LRIG3: variants seen among roughly 807,000 people sequenced by gnomAD.
LRIG3 encodes the protein leucine rich repeats and immunoglobulin like domains 3.
Under a neutral mutation model 114.5 loss-of-function variants are expected in LRIG3, and 76 were observed. The observed-to-expected ratio is 0.66, with a 90% CI of 0.55 to 0.80. LRIG3 has a LOEUF of 0.80. LRIG3 is among the 30% of genes least tolerant of loss of function. The pLI is 0.00. For synonymous variants in LRIG3, 512 were observed against 519.8 expected (o/e 0.98, Z 0.20); for missense variants, 1,239 against 1,382.8 (o/e 0.90, Z 1.65).
chr12:58,880,840 G>A lies in LRIG3; in HGVS notation c.1542C>T (p.Ser514=). Residue 514 remains serine, a synonymous_variant, in exon 13 of 19, where the codon TCC becomes TCT. Coordinates refer to ENST00000320743, the MANE Select transcript of LRIG3 (RefSeq NM_153377.5). ...QPETQSAIKG[S]NLSFICSAAS... is the part of the protein sequence containing the mutation. ...CAGCTGAGCAGATGAAACTCAAATT[G>A]GAACCTTTTATTGCCGACTGTGTTT... 6.2e-7 allele frequency: 1 copy of A among 1,614,152 alleles called. No homozygotes were observed.
chr12:58,919,975 C>A, intron 1 of LRIG3, 25 bp downstream of exon 1: 1 of 1,546,320 alleles, frequency 6.5e-7, no homozygotes, highest in Non-Finnish European at 8.7e-7. Flanking sequence ...CCCGGGCCCC[C>A]TCCCCCCGCG....
At position 58,883,037 on chromosome 12, in the gene LRIG3, G is replaced by A. The variant is rs1426387962; in HGVS notation, c.1317-5C>T. On this transcript the variant is annotated splice_polypyrimidine_tract_variant and splice_region_variant and intron_variant, in intron 11 of 18. Coordinates refer to ENST00000320743, the MANE Select transcript of LRIG3 (RefSeq NM_153377.5). Reference sequence around the variant, plus strand: ...AGGCTTGATGTATTTAAATGCCTGAGGAGAGTAATTACATTCAATTTGTTC... The same window carrying A: ...AGGCTTGATGTATTTAAATGCCTGAAGAGAGTAATTACATTCAATTTGTTC... The A allele has an allele frequency of 1.2e-6, 2 of 1,603,700 alleles. No homozygotes were observed. The highest frequency in any genetic ancestry group is 1.1e-5 in the South Asian group (1 of 89,586).
At position 58,883,014 on chromosome 12, in the gene LRIG3, G is replaced by C. The variant is rs201014796; in HGVS notation, c.1335C>G (p.Ser445Arg). 4 of 1,613,058 alleles carry C rather than the reference G, an allele frequency of 2.5e-6. No individual in the cohort carries two copies. In the African/African-American group the frequency reaches 5.3e-5, roughly 22 times the overall value. ...KLQQLHLNTS[S>R]LLCDCQLKWL... Reference sequence around the variant, plus strand: ...ATTTTAGCTGGCAATCGCACAAAAGGCTTGATGTATTTAAATGCCTGAGGA... The same window carrying C: ...ATTTTAGCTGGCAATCGCACAAAAGCCTTGATGTATTTAAATGCCTGAGGA... The change falls in exon 12 of 19, where the codon AGC (serine) becomes AGG (arginine). Residue 445 changes from serine (S) to arginine (R), a missense_variant. By Grantham distance (110) the Ser-to-Arg change is moderately radical. Coordinates refer to ENST00000320743, the MANE Select transcript of LRIG3 (RefSeq NM_153377.5).
intron 5 of LRIG3, 94 bp from the exon 6 acceptor site, chr12:58,889,056 C>A: frequency 1.6e-6 from 2 of 1,212,410 alleles, no homozygotes; most frequent in South Asian, 1.6e-5. Context: ...TTCAACCAGT[C>A]AGTGTTCAAT....
chr12:58,917,475 T>A (rs898978444), intron 1 of LRIG3, among the ~76,000 whole-genome samples: 1 of 152,208 alleles, frequency 6.6e-6, no homozygotes, highest in African/African-American at 2.4e-5. Flanking sequence ...TGTTTTTTTT[T>A]AGACAAAGTC....
At position 58,909,144 on chromosome 12, in the gene LRIG3, G is replaced by A. The variant is rs531772982; in HGVS notation, c.383+4838C>T. On this transcript the variant is annotated intron_variant, in intron 3 of 18. Transcript: ENST00000320743. The stretch of plus-strand genomic sequence containing the variant: ...AACCCCTCTTTGGCCACATGCTTCC[G>A]ACACCTCTTCCCTGCTGCTTCTCTC... 3.3e-5 allele frequency among the ~76,000 whole-genome samples: 5 copies of A among 152,180 alleles called. No homozygotes were observed. In the South Asian group the frequency reaches 6.2e-4, roughly 19 times the overall value.
At chr12:58,918,015 A>C (rs2120998492) in intron 1 of LRIG3, among the ~76,000 whole-genome samples, 1 of 152,372 alleles carries the variant, frequency 6.6e-6, no homozygotes, top group African/African-American at 2.4e-5. Flanking sequence ...TACAAACAAA[A>C]GAAATATTTA....
rs1302500188 is a variant in LRIG3, at chr12:58,874,404, T to C, written c.2839+26A>G. The C allele has an allele frequency of 6.2e-6, 10 of 1,613,292 alleles. No individual in the cohort carries two copies. The South Asian group carries it at 9.9e-5, about 16-fold the overall frequency. The stretch of plus-strand genomic sequence containing the variant: ...TAGAAGTCTCTCTAAGAAACAGAAC[T>C]GTACTCAAGCAAGAAAACCACCTAC... On this transcript the variant is annotated intron_variant, in intron 17 of 18. Transcript: ENST00000320743.
At position 58,887,813 on chromosome 12, in the gene LRIG3, C is replaced by T. The variant is rs907729897; in HGVS notation, c.1067G>A (p.Arg356Gln). 2.5e-6 allele frequency: 4 copies of T among 1,613,468 alleles called. No homozygotes were observed. The highest frequency in any genetic ancestry group is 2.5e-6 in the Non-Finnish European group (3 of 1,179,680). The change falls in exon 8 of 19, where the codon CGG becomes CAG. Residue 356 changes from arginine to glutamine, a missense_variant. By Grantham distance (43) the Arg-to-Gln change is conservative. Transcript: ENST00000320743. ...CAAAGTCTTTAAACTGGAAAGCCCCCGGAAGGCACAATCAGCAATGTAGCT... is the reference window on the plus strand; with the variant it reads ...CAAAGTCTTTAAACTGGAAAGCCCCTGGAAGGCACAATCAGCAATGTAGCT... Reference protein sequence around the residue: ...RVSYIADCAFRGLSSLKTLDL... With the variant: ...RVSYIADCAFQGLSSLKTLDL...
At chr12:58,887,738 T>C (rs2120906310) in intron 8 of LRIG3, 51 bp downstream of exon 8, 3 of 1,590,486 alleles carry the variant, frequency 1.9e-6, no homozygotes, top group South Asian at 1.1e-5. Context: ...AAAGTGGGCA[T>C]ATTTAGGAAC....
intron 3 of LRIG3, among the ~76,000 whole-genome samples, chr12:58,894,816 C>T (rs1298610189): frequency 6.6e-6 from 1 of 152,200 alleles, no homozygotes; most frequent in Non-Finnish European, 1.5e-5. Flanking sequence ...GAAGGTGTTT[C>T]AGTCTTGTAC....
chr12:58,894,247 T>C (rs1871558781), intron 3 of LRIG3, among the ~76,000 whole-genome samples: 1 of 152,184 alleles, frequency 6.6e-6, no homozygotes, highest in African/African-American at 2.4e-5. Flanking sequence ...AGTGCTGTCT[T>C]TGTCAGCACT....
At position 58,872,677 on chromosome 12, in the gene LRIG3, C is replaced by T. The variant is rs1269419976; in HGVS notation, c.3255G>A (p.Gly1085=). The change falls in exon 19 of 19, where the codon GGG becomes GGA. Residue 1085 remains glycine, a synonymous_variant. Transcript: ENST00000320743. The part of the protein sequence containing the change: ...PDLDSGSEED[G]KERTDFQEEN... ...CTTCCTGAAAATCTGTCCTTTCTTT[C>T]CCATCTTCCTCTGACCCAGAGTCCA... 6.2e-7 allele frequency: 1 copy of T among 1,614,060 alleles called. No homozygotes were observed. The highest frequency in any genetic ancestry group is 8.5e-7 in the Non-Finnish European group (1 of 1,179,984).
intron 3 of LRIG3, among the ~76,000 whole-genome samples, chr12:58,895,172 C>A (rs1434477689): frequency 6.6e-6 from 1 of 152,190 alleles, no homozygotes; most frequent in Non-Finnish European, 1.5e-5. Context: ...TCTGAGAGCA[C>A]TGGAGTTCTA....
chr12:58,886,950 C>T (rs1592298405), intron 8 of LRIG3, 60 bp from the exon 9 acceptor site: 1 of 1,282,754 alleles, frequency 7.8e-7, no homozygotes, highest in Non-Finnish European at 1.1e-6. Context: ...AGTATCACCA[C>T]CCAGGTGGCA....
At chr12:58,885,788 C>T (rs761650755) in intron 10 of LRIG3, 43 bp downstream of exon 10, 1 of 1,370,092 alleles carries the variant, frequency 7.3e-7, no homozygotes, top group Non-Finnish European at 1.0e-6. Context: ...TAAAAACCAT[C>T]TTAGAGATTC....
chr12:58,891,594 A>G (rs1871457143), intron 3 of LRIG3, among the ~76,000 whole-genome samples: 1 of 152,172 alleles, frequency 6.6e-6, no homozygotes, highest in Admixed American at 6.6e-5. Context: ...AATACTTGTC[A>G]GATTGGGGAT....
intron 3 of LRIG3, among the ~76,000 whole-genome samples, chr12:58,895,333 G>T (rs1199379003): frequency 6.6e-6 from 1 of 152,136 alleles, no homozygotes; most frequent in Admixed American, 6.6e-5. Flanking sequence ...CTTCTAGAAT[G>T]TTGGAGGTCA....
intron 3 of LRIG3, among the ~76,000 whole-genome samples, chr12:58,900,017 GC>G (rs987215182): frequency 1.3e-5 from 2 of 151,992 alleles, no homozygotes; most frequent in South Asian, 2.1e-4. Context: ...AGAAGATGTT[GC>G]CCCCCCTCAA....
Sources: allele counts gnomAD v4.1 joint callset (sites outside exome capture counted in the v4.1 genomes callset), GRCh38; gene constraint gnomAD v4.1.1; transcripts MANE v1.5; gene names NCBI Gene and HGNC (gene_info 2026-07-23, HGNC 2026-07-21).